Variants in PRRC2C observed in about 807,000 individuals in gnomAD.
PRRC2C encodes proline rich coiled-coil 2C, also known as protein PRRC2C.
A neutral mutation model predicts 317.2 loss-of-function variants in PRRC2C; 72 were observed. That is an observed-to-expected ratio of 0.23 (90% CI 0.19 to 0.28). The LOEUF is 0.28. Among genes scored for constraint, PRRC2C ranks in the 10% least tolerant of loss-of-function variants. The pLI, the probability that PRRC2C is intolerant of heterozygous loss-of-function variation, is 1.00. For missense variants in PRRC2C, 3,074 were observed against 3,459.7 expected, an observed-to-expected ratio of 0.89 and a Z score of 2.80; for synonymous variants, 1,296 against 1,205.9, an observed-to-expected ratio of 1.07 and a Z score of -1.55.
chr1:171,521,228 A>G (rs1673486351), intron 6 of PRRC2C, among the ~76,000 whole-genome samples: 1 of 152,238 alleles, frequency 6.6e-6, no homozygotes, highest in Admixed American at 6.5e-5. Context: ...ATTTCAGGAT[A>G]TAAATTATGT....
rs1651504143 is a variant in PRRC2C, at chr1:171,591,813, C to T, written c.8663C>T (p.Pro2888Leu). Residue 2888 changes from proline (P) to leucine (L), a missense_variant, in exon 35 of 35, where the codon CCT becomes CTT. By Grantham distance (98) the Pro-to-Leu change is moderately conservative. Transcript: ENST00000647382. ...TKPVRTGPIKPQAIKTEETKS is the reference protein window; with the variant it reads ...TKPVRTGPIKLQAIKTEETKS ...CCTGTTAGAACTGGACCAATCAAAC[C>T]TCAGGCGATCAAAACCGAAGAAACA... is the stretch of plus-strand genomic sequence containing the variant. 6.2e-7 allele frequency: 1 copy of T among 1,608,064 alleles called. No individual in the cohort carries two copies. Among genetic ancestry groups the T allele is most frequent in the Non-Finnish European group, 8.5e-7 (1 of 1,178,576 alleles).
chr1:171,588,548 A>G lies in PRRC2C; in HGVS notation c.8199+43A>G, dbSNP rs111595722. The G allele has an allele frequency of 1.4e-4, 227 of 1,573,532 alleles. 2 individuals carry two copies. The African/African-American group carries it at 2.5e-3, about 18-fold the overall frequency. On this transcript the variant is annotated intron_variant, in intron 33 of 34. Coordinates refer to ENST00000647382, the MANE Select transcript of PRRC2C (RefSeq NM_001387844.1). ...AGAAATGAGTATTATTTACTTAAAA[A>G]TAGTTGCTAATCTGATAAATTATTA...
intron 17 of PRRC2C, among the ~76,000 whole-genome samples, chr1:171,549,174 A>AT (rs1019277095): frequency 2.6e-5 from 4 of 152,156 alleles, no homozygotes; most frequent in African/African-American, 7.2e-5. Flanking sequence ...AGTTTATTTC[A>AT]TTTTTTAAAA....
At chr1:171,536,980 A>G (rs996835008) in intron 14 of PRRC2C, among the ~76,000 whole-genome samples, 3 of 152,192 alleles carry the variant, frequency 2.0e-5, no homozygotes, top group African/African-American at 7.2e-5. Context: ...TTTTATATGC[A>G]TAATATTTTC....
chr1:171,570,717 C>G (rs2102750696), intron 23 of PRRC2C, among the ~76,000 whole-genome samples: 1 of 149,836 alleles, frequency 6.7e-6, no homozygotes, highest in South Asian at 2.1e-4. Context: ...TGAGATGGTG[C>G]TAACAGTCCA....
intron 24 of PRRC2C, among the ~76,000 whole-genome samples, chr1:171,574,256 CTATT>C (rs770960075): frequency 6.6e-6 from 1 of 151,848 alleles, no homozygotes; most frequent in Non-Finnish European, 1.5e-5. Flanking sequence ...AATATATAAT[CTATT>C]TGTATTTACT....
At chr1:171,488,955 G>A (rs1666620591) in intron 1 of PRRC2C, among the ~76,000 whole-genome samples, 1 of 151,916 alleles carries the variant, frequency 6.6e-6, no homozygotes, top group South Asian at 2.1e-4. Flanking sequence ...AAAAACTATT[G>A]GGTATTATGT....
intron 14 of PRRC2C, 72 bp from the exon 15 acceptor site, chr1:171,537,191 A>G (rs1676992076): frequency 6.9e-6 from 8 of 1,164,966 alleles, no homozygotes; most frequent in Admixed American, 4.2e-5. Context: ...CCTGTATTCT[A>G]TGTCTATCAT....
intron 20 of PRRC2C, among the ~76,000 whole-genome samples, chr1:171,564,619 A>G (rs766696055): frequency 1.3e-5 from 2 of 152,230 alleles, no homozygotes; most frequent in East Asian, 1.9e-4. Context: ...TTGTGTGAAC[A>G]TCATAGAGTC....
chr1:171,535,613 T>C lies in PRRC2C; in HGVS notation c.2043+16T>C, dbSNP rs758828504. On this transcript the variant is annotated intron_variant, in intron 13 of 34. Coordinates refer to ENST00000647382, the MANE Select transcript of PRRC2C (RefSeq NM_001387844.1). ...GCGGCAGCAGGTAATGATAAAAATA[T>C]TTTATCATGTATGTGTGATTGAAGT... is the stretch of plus-strand genomic sequence containing the variant. 2.2e-5 allele frequency: 36 copies of C among 1,611,246 alleles called. 1 individual carries two copies. The Middle Eastern group carries it at 6.6e-4, about 29-fold the overall frequency.
chr1:171,569,575 A>ATATATATATATATATATATATATAT (rs1684330118), intron 23 of PRRC2C, among the ~76,000 whole-genome samples: 5 of 60,144 alleles, frequency 8.3e-5, no homozygotes, highest in African/African-American at 1.1e-4. Context: ...AAGTGGTTTA[A>ATATATATATATATATATATATATAT]ATATATATAT....
At chr1:171,556,760 A>G (rs1681511292) in intron 18 of PRRC2C, among the ~76,000 whole-genome samples, 1 of 152,252 alleles carries the variant, frequency 6.6e-6, no homozygotes, top group Non-Finnish European at 1.5e-5. Context: ...ATTTAAATAC[A>G]CAGAATGAAT....
chr1:171,580,372 C>T (rs541668728), intron 28 of PRRC2C, among the ~76,000 whole-genome samples: 1 of 152,212 alleles, frequency 6.6e-6, no homozygotes, highest in African/African-American at 2.4e-5. Flanking sequence ...TATAACAGAA[C>T]AGAGAGGGGT....
chr1:171,492,500 C>A (rs112446052), intron 1 of PRRC2C, among the ~76,000 whole-genome samples: 2 of 151,934 alleles, frequency 1.3e-5, no homozygotes, highest in Admixed American at 6.6e-5. Flanking sequence ...TGGAGGGTAG[C>A]GCACTGTGTT....
rs539823173 is a variant in PRRC2C, at chr1:171,590,310, G to A, written c.8436+705G>A. Among the ~76,000 whole-genome samples the A allele has an allele frequency of 1.5e-3, 236 of 152,304 alleles. 1 individual carries two copies. Among genetic ancestry groups the A allele is most frequent in the African/African-American group, 5.6e-3 (232 of 41,580 alleles). On this transcript the variant is annotated intron_variant, in intron 34 of 34. Coordinates refer to ENST00000647382, the MANE Select transcript of PRRC2C (RefSeq NM_001387844.1). ...TGAGGTTTGCTAATGCAGAAAGAGT[G>A]CCTTTAGGAGTCTGTGTGGGGACAG... is the stretch of plus-strand genomic sequence containing the variant.
chr1:171,568,362 G>T, intron 23 of PRRC2C, 23 bp downstream of exon 23: 2 of 1,576,180 alleles, frequency 1.3e-6, no homozygotes, highest in South Asian at 1.2e-5. Flanking sequence ...TTTGAGATGT[G>T]GCAAGTTTGG....
At chr1:171,559,535 T>TTA (rs1427852496) in intron 19 of PRRC2C, among the ~76,000 whole-genome samples, 2 of 80,832 alleles carry the variant, frequency 2.5e-5, no homozygotes, top group Non-Finnish European at 4.8e-5. Flanking sequence ...TTTTTTTTTT[T>TTA]TTTTTGAGAC....
At chr1:171,562,996 G>T (rs1682981994) in intron 20 of PRRC2C, among the ~76,000 whole-genome samples, 1 of 152,150 alleles carries the variant, frequency 6.6e-6, no homozygotes, top group Admixed American at 6.5e-5. Context: ...TTCAAAGAAG[G>T]GATAGATTAA....
intron 28 of PRRC2C, among the ~76,000 whole-genome samples, chr1:171,583,299 T>C (rs1330882438): frequency 6.6e-6 from 1 of 152,044 alleles, no homozygotes; most frequent in African/African-American, 2.4e-5. Context: ...TTTTCTGTTT[T>C]TTAATTTTTT....
Sources: gnomAD v4.1 joint callset for allele counts (sites outside exome capture counted in the v4.1 genomes callset) on GRCh38, gnomAD v4.1.1 for gene constraint, MANE v1.5 for transcripts, NCBI Gene and HGNC (gene_info 2026-07-23, HGNC 2026-07-21) for gene names.